Variants in GRID1 observed in about 807,000 individuals in gnomAD.
GRID1 encodes glutamate receptor ionotropic, delta-1.
GRID1 carries 28 observed loss-of-function variants against 98.0 expected under a neutral mutation model. That is an observed-to-expected ratio of 0.29 (90% CI 0.21 to 0.39). The LOEUF (loss-of-function observed/expected upper bound fraction) is 0.39, where lower values mean the gene tolerates loss of function less well. Ranked by LOEUF, GRID1 falls within the 10% of genes least tolerant of loss-of-function variation. The pLI is 1.00. For synonymous variants in GRID1, 553 were observed against 538.5 expected (o/e 1.03, Z -0.37); for missense variants, 1,111 against 1,340.5 (o/e 0.83, Z 2.67).
chr10:85,838,845 A>C (rs1022319837), intron 8 of GRID1, among the ~76,000 whole-genome samples: 2 of 152,164 alleles, frequency 1.3e-5, no homozygotes, highest in African/African-American at 2.4e-5. Flanking sequence ...ATTAAGCACA[A>C]GTGGCAAGCT....
At chr10:86,114,583 C>G (rs1407338221) in intron 4 of GRID1, among the ~76,000 whole-genome samples, 1 of 152,130 alleles carries the variant, frequency 6.6e-6, no homozygotes, top group Non-Finnish European at 1.5e-5. Context: ...GCTTGACCCC[C>G]GAAGGTCAGG....
rs11498992 is a variant in GRID1, at chr10:85,772,396, T to C, written c.1234-42782A>G. 7.9e-3 allele frequency among the ~76,000 whole-genome samples: 1,130 copies of C among 143,302 alleles called. 19 individuals are homozygous for C. Among genetic ancestry groups the C allele is most frequent in the Admixed American group, 0.02 (271 of 13,654 alleles). 94.0% of individuals were successfully genotyped at this position (143,302 alleles called of 152,430 possible). On this transcript the variant is annotated intron_variant, in intron 8 of 15. Coordinates refer to ENST00000327946, the MANE Select transcript of GRID1 (RefSeq NM_017551.3). ...GAAAGATCCAAAATTGACACCCTAA[T>C]GTCACAATTAAAAGAACTAGAAAAG...
intron 4 of GRID1, among the ~76,000 whole-genome samples, chr10:85,958,541 G>C: frequency 6.6e-6 from 1 of 151,710 alleles, no homozygotes; most frequent in Admixed American, 6.6e-5. Context: ...TATTAATCTG[G>C]GTGTGTCTGT....
intron 4 of GRID1, among the ~76,000 whole-genome samples, chr10:85,971,467 T>G (rs1168325204): frequency 6.6e-6 from 1 of 151,454 alleles, no homozygotes; most frequent in Non-Finnish European, 1.5e-5. Flanking sequence ...ATTTTTAGTT[T>G]TAAAAATTAT....
intron 2 of GRID1, among the ~76,000 whole-genome samples, chr10:86,316,843 G>A (rs541369309): frequency 6.6e-6 from 1 of 152,314 alleles, no homozygotes; most frequent in South Asian, 2.1e-4. Context: ...ATGAGACATG[G>A]ACAGGCTGGC....
chr10:86,290,927 G>C (rs1847503340), intron 2 of GRID1, among the ~76,000 whole-genome samples: 1 of 152,122 alleles, frequency 6.6e-6, no homozygotes, highest in African/African-American at 2.4e-5. Flanking sequence ...CCAGGACAGA[G>C]AGCTGTCCTG....
At chr10:86,055,081 C>T (rs934119890) in intron 4 of GRID1, among the ~76,000 whole-genome samples, 1 of 152,142 alleles carries the variant, frequency 6.6e-6, no homozygotes, top group Non-Finnish European at 1.5e-5. Context: ...CTCAACCAGC[C>T]AAAACTTAAG....
At chr10:85,788,054 CA>C (rs202189101) in intron 8 of GRID1, among the ~76,000 whole-genome samples, 11,149 of 120,832 alleles carry the variant, frequency 0.092, 965 homozygotes, top group African/African-American at 0.28. Context: ...ATAAACTTCA[CA>C]AAAAAAAAAA....
chr10:86,312,668 T>A (rs1847847007), intron 2 of GRID1, among the ~76,000 whole-genome samples: 1 of 152,248 alleles, frequency 6.6e-6, no homozygotes, highest in African/African-American at 2.4e-5. Context: ...TCACTGTCGA[T>A]CACATCTCAC....
At chr10:86,023,973 G>A (rs1843083121) in intron 4 of GRID1, among the ~76,000 whole-genome samples, 1 of 152,158 alleles carries the variant, frequency 6.6e-6, no homozygotes, top group Non-Finnish European at 1.5e-5. Flanking sequence ...CCATGAGTGA[G>A]TACTCATTAA....
At chr10:86,362,295 C>T (rs1037969279) in intron 2 of GRID1, among the ~76,000 whole-genome samples, 1 of 152,198 alleles carries the variant, frequency 6.6e-6, no homozygotes, top group African/African-American at 2.4e-5. Flanking sequence ...CCTGCCCTCC[C>T]CTGGCTGGAG....
At chr10:85,970,145 A>T (rs1484710602) in intron 4 of GRID1, among the ~76,000 whole-genome samples, 1 of 152,070 alleles carries the variant, frequency 6.6e-6, no homozygotes, top group Admixed American at 6.5e-5. Context: ...GAATATACCT[A>T]TAACAAGTTA....
intron 3 of GRID1, among the ~76,000 whole-genome samples, chr10:86,203,025 C>A (rs1264202760): frequency 6.6e-6 from 1 of 152,130 alleles, no homozygotes; most frequent in African/African-American, 2.4e-5. Flanking sequence ...GTACTAAAGT[C>A]AGGAAGAACC....
intron 12 of GRID1, among the ~76,000 whole-genome samples, chr10:85,703,699 T>C (rs560371551): frequency 9.2e-5 from 14 of 152,256 alleles, no homozygotes; most frequent in African/African-American, 2.9e-4. Context: ...GAGGTAACTA[T>C]AGTAATAATA....
intron 3 of GRID1, among the ~76,000 whole-genome samples, chr10:86,158,403 GA>G (rs1291811019): frequency 1.3e-5 from 2 of 152,244 alleles, no homozygotes; most frequent in African/African-American, 4.8e-5. Context: ...ACCATCATCA[GA>G]AATTACTCAC....
intron 4 of GRID1, among the ~76,000 whole-genome samples, chr10:86,033,094 T>C (rs1843209572): frequency 6.6e-6 from 1 of 152,062 alleles, no homozygotes; most frequent in South Asian, 2.1e-4. Context: ...GAAGCTGGAA[T>C]AGAAGCCTGG....
chr10:85,632,492 C>T (rs1346758003), intron 13 of GRID1, among the ~76,000 whole-genome samples: 4 of 152,200 alleles, frequency 2.6e-5, no homozygotes, highest in African/African-American at 7.2e-5. Context: ...ACATTTCTAA[C>T]AAGTTCCCAC....
At chr10:85,630,660 T>C (rs1337727015) in intron 13 of GRID1, among the ~76,000 whole-genome samples, 1 of 152,030 alleles carries the variant, frequency 6.6e-6, no homozygotes, top group Non-Finnish European at 1.5e-5. Flanking sequence ...TCAAAGTCTA[T>C]GCTATAGACT....
At chr10:85,782,095 A>G (rs1440324673) in intron 8 of GRID1, among the ~76,000 whole-genome samples, 2 of 152,230 alleles carry the variant, frequency 1.3e-5, no homozygotes, top group African/African-American at 2.4e-5. Flanking sequence ...ATAATTTCAT[A>G]ACATTTTTAA....
Sources: gnomAD v4.1 joint callset for allele counts (sites outside exome capture counted in the v4.1 genomes callset) on GRCh38, gnomAD v4.1.1 for gene constraint, MANE v1.5 for transcripts, NCBI Gene and HGNC (gene_info 2026-07-23, HGNC 2026-07-21) for gene names.